The following ATP13A5 variants were observed in gnomAD, a reference collection of about 807,000 sequenced individuals.
ATP13A5 encodes ATPase 13A5.
In ATP13A5, 149 loss-of-function variants were observed where a neutral mutation model predicts 150.2. The ratio of observed to expected loss-of-function variants is 0.99; its 90% confidence interval spans 0.87 to 1.14. The LOEUF (loss-of-function observed/expected upper bound fraction) is 1.14, where lower values mean the gene tolerates loss of function less well. Ranked by LOEUF, ATP13A5 falls within the 50% of genes most tolerant of loss-of-function variation. The probability of loss-of-function intolerance (pLI) is 0.00; values close to 1 mark genes in which losing one functional copy is unlikely to be tolerated. For missense variants in ATP13A5, 1,383 were observed against 1,449.3 expected (o/e 0.95, Z 0.74); for synonymous variants, 497 against 522.2 (o/e 0.95, Z 0.66).
intron 27 of ATP13A5, among the ~76,000 whole-genome samples, chr3:193,284,364 T>TA (rs1379862995): frequency 1.3e-5 from 2 of 152,070 alleles, no homozygotes; most frequent in Non-Finnish European, 2.9e-5. Context: ...GAAGAGTTTT[T>TA]AAAAAACTCT....
At chr3:193,314,687 C>T (rs1221583572) in intron 18 of ATP13A5, among the ~76,000 whole-genome samples, 1 of 152,170 alleles carries the variant, frequency 6.6e-6, no homozygotes, top group Non-Finnish European at 1.5e-5. Flanking sequence ...TTGATGAGAA[C>T]ACACCCATTC....
At chr3:193,362,343 T>C in intron 5 of ATP13A5, 38 bp downstream of exon 5, 1 of 1,550,582 alleles carries the variant, frequency 6.4e-7, no homozygotes, top group Non-Finnish European at 8.9e-7. Flanking sequence ...CATTTTCTGC[T>C]GGCAGAGTTT....
At chr3:193,342,622 GTTGT>G (rs943035533) in intron 9 of ATP13A5, among the ~76,000 whole-genome samples, 21 of 152,254 alleles carry the variant, frequency 1.4e-4, no homozygotes, top group African/African-American at 5.1e-4. Context: ...GAAAGGCAGC[GTTGT>G]TTGTCATTTC....
At chr3:193,311,571 G>T (rs1303549364) in intron 20 of ATP13A5, among the ~76,000 whole-genome samples, 1 of 152,176 alleles carries the variant, frequency 6.6e-6, no homozygotes, top group African/African-American at 2.4e-5. Context: ...GAGGAAGGCT[G>T]AACTGGCCAC....
At chr3:193,309,783 G>T (rs1442755178) in intron 21 of ATP13A5, among the ~76,000 whole-genome samples, 4 of 152,126 alleles carry the variant, frequency 2.6e-5, no homozygotes, top group African/African-American at 9.7e-5. Flanking sequence ...CGCTCATGAG[G>T]CACTGAGCAT....
chr3:193,363,363 A>G lies in ATP13A5; in HGVS notation c.257T>C (p.Met86Thr). 9 of 1,611,594 alleles carry G rather than the reference A, an allele frequency of 5.6e-6. No homozygotes were observed. The highest frequency in any genetic ancestry group is 7.6e-6 in the Non-Finnish European group (9 of 1,178,884). Residue 86 changes from methionine (M) to threonine (T), a missense_variant, in exon 3 of 30, where the codon ATG (methionine) becomes ACG (threonine). Physicochemically the swap from Met to Thr is moderately conservative, Grantham distance 81. This residue lies in a region of ATP13A5 where 787 missense variants were observed against 771.9 expected (regional missense o/e 1.02). Transcript: ENST00000342358. Reference protein sequence around the residue: ...LRTTDEFQRYMRKKVFCLYLS... With the variant: ...LRTTDEFQRYTRKKVFCLYLS... ...GTAGAGGCAGAATACCTTCTTCCTCATATATCTTTGAAATTCGTCCTGGAA... is the reference window on the plus strand; with the variant it reads ...GTAGAGGCAGAATACCTTCTTCCTCGTATATCTTTGAAATTCGTCCTGGAA...
chr3:193,362,683 G>A, intron 3 of ATP13A5, 46 bp from the exon 4 acceptor site: 1 of 1,574,452 alleles, frequency 6.4e-7, no homozygotes, highest in South Asian at 1.1e-5. Flanking sequence ...ACAGCATAAA[G>A]CTCACTGGGA....
chr3:193,298,694 C>G (rs1292106246), intron 25 of ATP13A5, among the ~76,000 whole-genome samples: 1 of 152,096 alleles, frequency 6.6e-6, no homozygotes, highest in Admixed American at 6.6e-5. Flanking sequence ...CTGTTGGAAG[C>G]CACACCTTGC....
Position 193,363,319 on chromosome 3 carries a change from G to C in ATP13A5, c.301C>G (p.Pro101Ala), listed in dbSNP as rs373214053. The C allele has an allele frequency of 1.8e-5, 29 of 1,613,762 alleles. No homozygotes were observed. The highest frequency in any genetic ancestry group is 2.0e-5 in the Non-Finnish European group (24 of 1,179,840). ...FCLYLSTLKF[P>A]VSKKWEESLV... ...GATTCTTCCCACTTCTTGCTTACAG[G>C]AAACTTCAGTGTGGATAAGTAGAGG... is the stretch of plus-strand genomic sequence containing the variant. Residue 101 changes from proline (P) to alanine (A), a missense_variant, in exon 3 of 30, where the codon CCT becomes GCT. Pro to Ala is a conservative substitution (Grantham distance 27). Around this residue, in one of 3 missense-constraint regions of ATP13A5, gnomAD observed 787 missense variants for 771.9 expected, o/e 1.02. Transcript: ENST00000342358.
chr3:193,345,043 G>T lies in ATP13A5; in HGVS notation c.774C>A (p.Asp258Glu). The T allele has an allele frequency of 6.2e-7, 1 of 1,613,666 alleles. No homozygotes were observed. Among genetic ancestry groups the T allele is most frequent in the Non-Finnish European group, 8.5e-7 (1 of 1,179,704 alleles). The change falls in exon 8 of 30, where the codon GAC becomes GAA. Residue 258 changes from aspartate to glutamate, a missense_variant. Transcript: ENST00000342358. ...TGATTGTAACCTGGACTTTGTTGTG[G>T]TCCTCCACGAGGTTATGCAGCTTAA... Reference protein sequence around the residue: ...QSVKLHNLVEDHNKVQVTIIV... With the variant: ...QSVKLHNLVEEHNKVQVTIIV...
intron 11 of ATP13A5, 141 bp downstream of exon 11, chr3:193,333,609 T>G (rs1051296526): frequency 1.2e-6 from 1 of 821,666 alleles, no homozygotes; most frequent in Non-Finnish European, 1.9e-6. Flanking sequence ...ATGAGAACAT[T>G]TCCGCTGTCT....
At chr3:193,321,060 C>T (rs1719256299) in intron 16 of ATP13A5, among the ~76,000 whole-genome samples, 1 of 152,180 alleles carries the variant, frequency 6.6e-6, no homozygotes, top group Non-Finnish European at 1.5e-5. Context: ...CAGACCTCTC[C>T]ATTTCCCTCA....
intron 18 of ATP13A5, 107 bp from the exon 19 acceptor site, chr3:193,314,300 C>T (rs1482698403): frequency 7.5e-5 from 92 of 1,224,462 alleles, no homozygotes; most frequent in Non-Finnish European, 1.0e-4. Context: ...AGAGCATTTA[C>T]CGCTTTCTGC....
chr3:193,275,399 C>T (rs1474921835), intron 29 of ATP13A5, 97 bp from the exon 30 acceptor site: 10 of 1,396,718 alleles, frequency 7.2e-6, no homozygotes, highest in Admixed American at 3.9e-5. Context: ...CCAGGCCTTC[C>T]TCTGAGGTGT....
At chr3:193,334,039 CA>C in intron 10 of ATP13A5, 132 bp from the exon 11 acceptor site, 1 of 815,506 alleles carries the variant, frequency 1.2e-6, no homozygotes, top group Non-Finnish European at 1.8e-6. Context: ...TATAAGTTTT[CA>C]GGTGGTTTTC....
rs1711616121 is a variant in ATP13A5 at position 193,331,218 on chromosome 3, A to G, written c.1366T>C (p.Tyr456His). ...TTTTTCTTCAGTCTCTTCTGAGCAT[A>G]CACGTTGCCTATGGTCAGGGCAGCT... ...LPAALTIGNVYAQKRLKKKKI... is the reference protein window; with the variant it reads ...LPAALTIGNVHAQKRLKKKKI... The change falls in exon 12 of 30, where the codon TAT becomes CAT. Residue 456 changes from tyrosine (Y) to histidine (H), a missense_variant. Transcript: ENST00000342358. 6 of 1,613,982 alleles carry G rather than the reference A, an allele frequency of 3.7e-6. No homozygotes were observed. The highest frequency in any genetic ancestry group is 2.7e-5 in the African/African-American group (2 of 74,922).
chr3:193,314,909 C>T (rs1290256774), intron 18 of ATP13A5, 63 bp downstream of exon 18: 1 of 1,582,510 alleles, frequency 6.3e-7, no homozygotes, highest in Non-Finnish European at 8.6e-7. Flanking sequence ...ACTCAGCTCA[C>T]ACATCTTGTT....
intron 8 of ATP13A5, among the ~76,000 whole-genome samples, chr3:193,344,525 G>A (rs1390903899): frequency 6.6e-6 from 1 of 152,186 alleles, no homozygotes; most frequent in Non-Finnish European, 1.5e-5. Context: ...CAGATGCCAA[G>A]TGTCCAGACA....
chr3:193,294,143 G>C (rs951824161), intron 25 of ATP13A5, among the ~76,000 whole-genome samples: 2 of 152,250 alleles, frequency 1.3e-5, no homozygotes, highest in Admixed American at 1.3e-4. Flanking sequence ...GAGGTCAGCT[G>C]TAGGGTGAAT....
Sources: gnomAD v4.1 joint callset for allele counts (sites outside exome capture counted in the v4.1 genomes callset) on GRCh38, gnomAD v4.1.1 for gene constraint, gnomAD v4.1.1 regional missense constraint, MANE v1.5 for transcripts, NCBI Gene and HGNC (gene_info 2026-07-23, HGNC 2026-07-21) for gene names.